Variants in ARHGEF10 observed in about 807,000 individuals in gnomAD.
ARHGEF10 encodes the protein Rho guanine nucleotide exchange factor (GEF) 10.
A neutral mutation model predicts 147.4 loss-of-function variants in ARHGEF10; 140 were observed. That is an observed-to-expected ratio of 0.95 (90% CI 0.83 to 1.09). The LOEUF (loss-of-function observed/expected upper bound fraction) is 1.09, where lower values mean the gene tolerates loss of function less well. Ranked by LOEUF, ARHGEF10 falls within the 50% of genes least tolerant of loss-of-function variation. The pLI is 0.00. For missense variants in ARHGEF10, 2,222 were observed against 1,752.7 expected, an observed-to-expected ratio of 1.27 and a Z score of -4.78; for synonymous variants, 902 against 695.8, an observed-to-expected ratio of 1.30 and a Z score of -4.67.
In ARHGEF10 at chr8:1,926,918, G is replaced by C. The variant is rs182160588; in HGVS notation, c.2697+455G>C. ...CGTTCCTGGTTCTTGCAAACCAGAGGACATTCTTGAAGCTGTGTGGTCCCA... is the reference window on the plus strand; with the variant it reads ...CGTTCCTGGTTCTTGCAAACCAGAGCACATTCTTGAAGCTGTGTGGTCCCA... On this transcript the variant is annotated intron_variant, in intron 23 of 28. Transcript: ENST00000349830. The C allele has an allele frequency of 2.0e-3, 584 of 287,164 alleles. 5 individuals carry two copies. Among genetic ancestry groups the C allele is most frequent in the African/African-American group, 0.012 (537 of 43,916 alleles). The allele number at this position is 287,164 out of a possible 1,614,324, so 17.8% of individuals were successfully genotyped here. A position where few individuals can be genotyped will look rare whatever the true frequency, so the allele number is the denominator to read the frequency against.
chr8:1,934,714 A>G (rs1000927829), intron 26 of ARHGEF10, among the ~76,000 whole-genome samples: 22 of 152,242 alleles, frequency 1.4e-4, no homozygotes, highest in African/African-American at 5.3e-4. Context: ...GACTTTCACC[A>G]TGAAGACGAA....
intron 26 of ARHGEF10, among the ~76,000 whole-genome samples, chr8:1,936,132 C>A (rs780479170): frequency 3.9e-5 from 6 of 152,140 alleles, no homozygotes; most frequent in Non-Finnish European, 8.8e-5. Flanking sequence ...ACTGTCTGTT[C>A]TTGGCCATCT....
chr8:1,841,656 A>T (rs889370837), intron 1 of ARHGEF10, among the ~76,000 whole-genome samples: 11 of 151,812 alleles, frequency 7.2e-5, no homozygotes, highest in Non-Finnish European at 1.2e-4. Flanking sequence ...TGATGATGTG[A>T]AAGGGCTCCC....
At chr8:1,888,213 C>CT (rs1808926374) in intron 11 of ARHGEF10, among the ~76,000 whole-genome samples, 2 of 26,338 alleles carry the variant, frequency 7.6e-5, no homozygotes, top group African/African-American at 3.5e-4. Flanking sequence ...CTTAGTGGGG[C>CT]GAGGGTTGCG....
chr8:1,907,244 G>C (rs1349198213), intron 17 of ARHGEF10, among the ~76,000 whole-genome samples: 3 of 152,120 alleles, frequency 2.0e-5, no homozygotes, highest in Non-Finnish European at 2.9e-5. Context: ...TAACAGTATG[G>C]CTTCCAAGTT....
intron 1 of ARHGEF10, among the ~76,000 whole-genome samples, chr8:1,833,023 GAGAC>G (rs199571288): frequency 2.8e-5 from 3 of 107,666 alleles, no homozygotes; most frequent in African/African-American, 7.5e-5. Flanking sequence ...GACAGAGGCA[GAGAC>G]AGGCAGAGAG....
At chr8:1,911,323 C>T (rs1046413461) in intron 18 of ARHGEF10, among the ~76,000 whole-genome samples, 1 of 152,078 alleles carries the variant, frequency 6.6e-6, no homozygotes, top group African/African-American at 2.4e-5. Flanking sequence ...GGAAAAGCAC[C>T]TAGTTAACCT....
intron 8 of ARHGEF10, among the ~76,000 whole-genome samples, chr8:1,878,572 A>G (rs1807905303): frequency 6.6e-6 from 1 of 152,188 alleles, no homozygotes; most frequent in Admixed American, 6.5e-5. Flanking sequence ...CTGAGATTTA[A>G]GAAGAGTGCT....
At chr8:1,906,374 G>C (rs2129179125) in intron 17 of ARHGEF10, among the ~76,000 whole-genome samples, 1 of 152,308 alleles carries the variant, frequency 6.6e-6, no homozygotes, top group South Asian at 2.1e-4. Context: ...TTGAGATCCA[G>C]TTGCTAAACA....
chr8:1,898,234 C>T (rs757770628), intron 14 of ARHGEF10, among the ~76,000 whole-genome samples, 199 bp from the exon 15 acceptor site: 14 of 152,216 alleles, frequency 9.2e-5, no homozygotes, highest in Non-Finnish European at 1.8e-4. Context: ...GGTCGGGCCC[C>T]TGCAGCAAAG....
intron 15 of ARHGEF10, among the ~76,000 whole-genome samples, chr8:1,898,872 G>C (rs964668351): frequency 6.6e-6 from 1 of 152,214 alleles, no homozygotes; most frequent in African/African-American, 2.4e-5. Context: ...ACAGGTCACA[G>C]CTCCCTTCTC....
At chr8:1,843,194 A>G (rs1804227171) in intron 1 of ARHGEF10, among the ~76,000 whole-genome samples, 159 bp from the exon 2 acceptor site, 1 of 152,228 alleles carries the variant, frequency 6.6e-6, no homozygotes, top group Admixed American at 6.5e-5. Flanking sequence ...AGGGAGATTT[A>G]CAAGTATTCA....
chr8:1,879,932 C>A, intron 8 of ARHGEF10, 116 bp from the exon 9 acceptor site: 1 of 802,046 alleles, frequency 1.2e-6, no homozygotes. Flanking sequence ...AAGCCCCCAG[C>A]CAGGACAGGC....
chr8:1,903,949 G>C, intron 16 of ARHGEF10: 1 of 205,968 alleles, frequency 4.9e-6, no homozygotes, highest in Non-Finnish European at 9.9e-6. Flanking sequence ...AAAAAAAATA[G>C]CTGGGCACAG....
chr8:1,900,814 T>C (rs1176444600), intron 15 of ARHGEF10, among the ~76,000 whole-genome samples: 1 of 152,132 alleles, frequency 6.6e-6, no homozygotes, highest in Admixed American at 6.6e-5. Flanking sequence ...GTTACGTAGG[T>C]CAGTTTGCAC....
chr8:1,859,589 G>T (rs1303140986), intron 3 of ARHGEF10, among the ~76,000 whole-genome samples: 2 of 147,732 alleles, frequency 1.4e-5, no homozygotes, highest in Non-Finnish European at 3.0e-5. Context: ...GTTTCTTTGT[G>T]TGTAGCACCA....
At chr8:1,826,413 G>A (rs12675811) in intron 1 of ARHGEF10, among the ~76,000 whole-genome samples, 4 of 45,114 alleles carry the variant, frequency 8.9e-5, no homozygotes, top group Non-Finnish European at 1.9e-4. Flanking sequence ...TGTGTGTGCT[G>A]TGTGTGTGTG....
At chr8:1,837,535 G>C (rs1803657910) in intron 1 of ARHGEF10, among the ~76,000 whole-genome samples, 1 of 152,230 alleles carries the variant, frequency 6.6e-6, no homozygotes, top group South Asian at 2.1e-4. Flanking sequence ...AAAATGGAGA[G>C]TAAACAACAG....
intron 1 of ARHGEF10, among the ~76,000 whole-genome samples, chr8:1,828,178 A>G (rs1447100285): frequency 1.3e-5 from 2 of 152,216 alleles, no homozygotes; most frequent in African/African-American, 2.4e-5. Context: ...GGCTCCTGCA[A>G]GTCGTAGGTG....
Sources: gnomAD v4.1 joint callset for allele counts (sites outside exome capture counted in the v4.1 genomes callset) on GRCh38, gnomAD v4.1.1 for gene constraint, MANE v1.5 for transcripts, NCBI Gene and HGNC (gene_info 2026-07-23, HGNC 2026-07-21) for gene names.